The following EPHA5 variants were observed in gnomAD, a reference collection of about 807,000 sequenced individuals.
EPHA5 encodes EPH receptor A5, also known as ephrin type-A receptor 5.
In EPHA5, 60 loss-of-function variants were observed where a neutral mutation model predicts 105.0. The observed-to-expected ratio is 0.57, with a 90% CI of 0.46 to 0.71. The LOEUF (loss-of-function observed/expected upper bound fraction) is 0.71, where lower values mean the gene tolerates loss of function less well. Among genes scored for constraint, EPHA5 ranks in the 30% least tolerant of loss-of-function variants. EPHA5 has a pLI of 0.00. For synonymous variants in EPHA5, 513 were observed against 449.1 expected, an observed-to-expected ratio of 1.14 and a Z score of -1.80; for missense variants, 1,218 against 1,274.7, an observed-to-expected ratio of 0.96 and a Z score of 0.68.
chr4:65,584,911 G>C (rs1354190562), intron 3 of EPHA5, among the ~76,000 whole-genome samples: 1 of 151,600 alleles, frequency 6.6e-6, no homozygotes, highest in Non-Finnish European at 1.5e-5. Context: ...TTTTTTAAAT[G>C]CCTTGGTGAG....
At chr4:65,394,771 G>A (rs980119639) in intron 8 of EPHA5, among the ~76,000 whole-genome samples, 2 of 152,148 alleles carry the variant, frequency 1.3e-5, no homozygotes, top group Non-Finnish European at 2.9e-5. Flanking sequence ...TCGTGGTGTT[G>A]TGAGATATTA....
chr4:65,492,988 G>GCTT, intron 4 of EPHA5, among the ~76,000 whole-genome samples: 1 of 149,108 alleles, frequency 6.7e-6, no homozygotes, highest in East Asian at 2.0e-4. Context: ...GTTTTGTTTT[G>GCTT]TTTTGTTTTT....
rs1718017342 is a variant in EPHA5 at position 65,367,379 on chromosome 4, C to A, written c.1839G>T (p.Lys613Asn). The change falls in exon 9 of 17, where the codon AAG becomes AAT. Residue 613 changes from lysine (K) to asparagine (N), a missense_variant. Around this residue, in one of 3 missense-constraint regions of EPHA5, gnomAD observed 971 missense variants for 1,013.5 expected, o/e 0.96. Coordinates refer to ENST00000613740, the MANE Select transcript of EPHA5 (RefSeq NM_001281766.3). Reference protein sequence around the residue: ...SKAKQDPEEEKMHFHNGHIKL... With the variant: ...SKAKQDPEEENMHFHNGHIKL... ...TACTGTGCCCATTATGAAAATGCAT[C>A]TTTTCCTCTTCTGGATCTTGTTTTG... The A allele has an allele frequency of 5.0e-6, 8 of 1,611,910 alleles. No individual in the cohort carries two copies. The highest frequency in any genetic ancestry group is 1.3e-5 in the African/African-American group (1 of 74,952).
At chr4:65,658,009 CTTTT>C (rs60072108) in intron 1 of EPHA5, among the ~76,000 whole-genome samples, 1 of 150,732 alleles carries the variant, frequency 6.6e-6, no homozygotes, top group African/African-American at 2.4e-5. Context: ...CAGAAGAGAG[CTTTT>C]TTTTCTAGTC....
At chr4:65,643,730 A>G (rs1747871475) in intron 1 of EPHA5, among the ~76,000 whole-genome samples, 1 of 152,006 alleles carries the variant, frequency 6.6e-6, no homozygotes, top group African/African-American at 2.4e-5. Flanking sequence ...AAAAAGACAA[A>G]AAGTAAGCCC....
intron 8 of EPHA5, among the ~76,000 whole-genome samples, chr4:65,403,590 GTTTAT>G (rs1163435339): frequency 7.5e-6 from 1 of 134,000 alleles, no homozygotes; most frequent in East Asian, 1.9e-4. Context: ...GTTTTATATA[GTTTAT>G]TTTGTTTTAT....
intron 5 of EPHA5, among the ~76,000 whole-genome samples, chr4:65,475,826 A>G (rs971673819): frequency 1.3e-5 from 2 of 152,282 alleles, no homozygotes; most frequent in African/African-American, 4.8e-5. Flanking sequence ...GAAATAGTAG[A>G]GTTTAAAACT....
At chr4:65,576,090 A>AAAG (rs1227750460) in intron 3 of EPHA5, among the ~76,000 whole-genome samples, 7 of 108,988 alleles carry the variant, frequency 6.4e-5, no homozygotes, top group Non-Finnish European at 7.6e-5. Context: ...AAAGAAAAGA[A>AAAG]AAGAAAAGAA....
chr4:65,449,924 A>T (rs1161838060), intron 5 of EPHA5, among the ~76,000 whole-genome samples: 1 of 151,986 alleles, frequency 6.6e-6, no homozygotes, highest in East Asian at 1.9e-4. Context: ...CTCTGTCTAC[A>T]TCTTGATTTT....
chr4:65,553,682 T>G (rs1738132956), intron 3 of EPHA5, among the ~76,000 whole-genome samples: 1 of 152,038 alleles, frequency 6.6e-6, no homozygotes, highest in South Asian at 2.1e-4. Flanking sequence ...GCTAAATAAA[T>G]ATTTGTGAAA....
At chr4:65,336,507 A>G (rs1208562345) in intron 14 of EPHA5, among the ~76,000 whole-genome samples, 1 of 152,124 alleles carries the variant, frequency 6.6e-6, no homozygotes, top group Admixed American at 6.6e-5. Context: ...TGAAAAGTTA[A>G]TGTCTTTTTA....
intron 5 of EPHA5, among the ~76,000 whole-genome samples, chr4:65,476,412 A>C (rs953479099): frequency 1.3e-5 from 2 of 152,268 alleles, no homozygotes; most frequent in Admixed American, 6.5e-5. Context: ...CACAAAAAAA[A>C]CAAAATCATG....
chr4:65,531,024 AT>A (rs1291125567), intron 3 of EPHA5, among the ~76,000 whole-genome samples: 2 of 77,222 alleles, frequency 2.6e-5, no homozygotes, highest in African/African-American at 4.9e-5. Flanking sequence ...TATTTTTTTT[AT>A]TTTTTTTATT....
chr4:65,580,789 A>ATT (rs1741539674), intron 3 of EPHA5, among the ~76,000 whole-genome samples: 1 of 40,524 alleles, frequency 2.5e-5, no homozygotes, highest in South Asian at 8.9e-4. Flanking sequence ...AACACAGTTT[A>ATT]CTTTTTTTTT....
intron 1 of EPHA5, among the ~76,000 whole-genome samples, chr4:65,664,834 C>T (rs1394223544): frequency 1.3e-5 from 2 of 151,762 alleles, no homozygotes; most frequent in Non-Finnish European, 1.5e-5. Flanking sequence ...AAGAAAAATG[C>T]AAATACTACG....
chr4:65,345,800 T>C lies in EPHA5; in HGVS notation c.2595+2254A>G, dbSNP rs533451707. ...TTTCTTTTTTTTTCTTGAGACAGAGTCTCGCTCTGTCGCCCAGGCTGGTGT... is the reference window on the plus strand; with the variant it reads ...TTTCTTTTTTTTTCTTGAGACAGAGCCTCGCTCTGTCGCCCAGGCTGGTGT... On this transcript the variant is annotated intron_variant, in intron 14 of 16. Coordinates refer to ENST00000613740, the MANE Select transcript of EPHA5 (RefSeq NM_001281766.3). Among the ~76,000 whole-genome samples the C allele has an allele frequency of 2.7e-5, 4 of 150,906 alleles. No homozygotes were observed. The East Asian group carries it at 7.9e-4, about 30-fold the overall frequency.
chr4:65,492,538 C>CAAAAAAAAAAAAAAAAAAAAAAAAA (rs10543479), intron 4 of EPHA5, among the ~76,000 whole-genome samples: 2 of 84,942 alleles, frequency 2.4e-5, no homozygotes, highest in Non-Finnish European at 4.5e-5. Flanking sequence ...GACATCTTTG[C>CAAAAAAAAAAAAAAAAAAAAAAAAA]AAAAAAAAAA....
intron 3 of EPHA5, among the ~76,000 whole-genome samples, chr4:65,500,984 A>G (rs913673155): frequency 4.0e-5 from 6 of 151,394 alleles, no homozygotes; most frequent in African/African-American, 1.4e-4. Context: ...TATGAACAAG[A>G]TTTATTCCCA....
intron 8 of EPHA5, among the ~76,000 whole-genome samples, chr4:65,394,142 T>C (rs1000831333): frequency 6.6e-6 from 1 of 152,208 alleles, no homozygotes; most frequent in East Asian, 1.9e-4. Context: ...ACCTGTCCCA[T>C]GAAGGGAGGA....
Sources: allele counts gnomAD v4.1 joint callset (sites outside exome capture counted in the v4.1 genomes callset), GRCh38; gene constraint gnomAD v4.1.1; regional missense constraint gnomAD v4.1.1; transcripts MANE v1.5; gene names NCBI Gene and HGNC (gene_info 2026-07-23, HGNC 2026-07-21).